The following BTBD8 variants were observed in gnomAD, a reference collection of about 807,000 sequenced individuals.
The protein encoded by BTBD8 is BTB/POZ domain-containing protein 8.
In BTBD8, 110 loss-of-function variants were observed where a neutral mutation model predicts 162.9. The observed-to-expected ratio is 0.68, with a 90% CI of 0.58 to 0.79. The LOEUF (loss-of-function observed/expected upper bound fraction) is 0.79, where lower values mean the gene tolerates loss of function less well. Ranked by LOEUF, BTBD8 falls within the 30% of genes least tolerant of loss-of-function variation. BTBD8 has a pLI of 0.00. For missense variants in BTBD8, 1,905 were observed against 2,085.4 expected (o/e 0.91, Z 1.68); for synonymous variants, 667 against 716.1 (o/e 0.93, Z 1.10).
chr1:92,087,311 G>A (rs1430612678), intron 1 of BTBD8, among the ~76,000 whole-genome samples: 3 of 152,074 alleles, frequency 2.0e-5, no homozygotes, highest in African/African-American at 7.2e-5. Context: ...GGTGGGATGG[G>A]GGGAAGGAGG....
In BTBD8 at chr1:92,108,035, G is replaced by A. The variant is rs375512920; in HGVS notation, c.662+34G>A. On this transcript the variant is annotated intron_variant, in intron 4 of 17. Coordinates refer to ENST00000636805, the MANE Select transcript of BTBD8 (RefSeq NM_001376131.1). ...ACACGACTGATTTGCTGTCTTGGTT[G>A]TGGCTGTAGAGTGTGGAAGGGCAGC... 11 of 1,576,174 alleles carry A rather than the reference G, an allele frequency of 7.0e-6. No individual in the cohort carries two copies. In the African/African-American group the frequency reaches 1.1e-4, roughly 15 times the overall value.
At chr1:92,178,214 T>C (rs1650778382) in intron 15 of BTBD8, 98 bp from the exon 16 acceptor site, 2 of 936,758 alleles carry the variant, frequency 2.1e-6, no homozygotes, top group East Asian at 5.3e-5. Flanking sequence ...GAGATGTATT[T>C]TTTATTTCTT....
At chr1:92,158,626 A>C (rs1650213374) in intron 9 of BTBD8, among the ~76,000 whole-genome samples, 3 of 152,216 alleles carry the variant, frequency 2.0e-5, no homozygotes. Context: ...CAAAAATTAA[A>C]AGTGATTAAT....
At chr1:92,110,041 T>C (rs140918334) in intron 4 of BTBD8, among the ~76,000 whole-genome samples, 1 of 152,332 alleles carries the variant, frequency 6.6e-6, no homozygotes, top group African/African-American at 2.4e-5. Flanking sequence ...ATTAAGCTAA[T>C]ATTTCATGGT....
chr1:92,158,158 A>G (rs1378016154), intron 9 of BTBD8, among the ~76,000 whole-genome samples: 1 of 152,128 alleles, frequency 6.6e-6, no homozygotes, highest in Non-Finnish European at 1.5e-5. Flanking sequence ...TGTAGACAGT[A>G]TATCATTGGA....
intron 3 of BTBD8, among the ~76,000 whole-genome samples, chr1:92,107,162 C>T (rs1648755735): frequency 6.6e-6 from 1 of 151,726 alleles, no homozygotes; most frequent in Admixed American, 6.6e-5. Flanking sequence ...TAGAGACCCA[C>T]AAGAAGAAAC....
chr1:92,099,672 C>A (rs762768540), intron 2 of BTBD8, among the ~76,000 whole-genome samples: 4 of 151,938 alleles, frequency 2.6e-5, no homozygotes, highest in Non-Finnish European at 5.9e-5. Context: ...TTTCTAATTT[C>A]ATTTTTGGTT....
At chr1:92,102,775 T>A (rs1648625665) in intron 3 of BTBD8, 106 bp downstream of exon 3, 1 of 1,088,334 alleles carries the variant, frequency 9.2e-7, no homozygotes, top group Non-Finnish European at 1.2e-6. Context: ...GATTTTTTTT[T>A]TAATAAGCAT....
chr1:92,084,058 G>A (rs1379982137), intron 1 of BTBD8, among the ~76,000 whole-genome samples: 1 of 152,172 alleles, frequency 6.6e-6, no homozygotes, highest in Non-Finnish European at 1.5e-5. Context: ...CTAGCACCTA[G>A]TTATCCAAAT....
In BTBD8 at chr1:92,080,556, C is replaced by G; in HGVS notation, c.-16C>G. The G allele has an allele frequency of 1.9e-6, 3 of 1,613,066 alleles. No homozygotes were observed. The highest frequency in any genetic ancestry group is 2.5e-6 in the Non-Finnish European group (3 of 1,179,626). On this transcript the variant is annotated 5_prime_UTR_variant, in exon 1 of 18. Coordinates refer to ENST00000636805, the MANE Select transcript of BTBD8 (RefSeq NM_001376131.1). ...GCCAAGTACTGGGCCTCCAGGGCGT[C>G]GTACCTCTGTGAGACATGGCTCGCT...
intron 1 of BTBD8, among the ~76,000 whole-genome samples, chr1:92,082,715 T>C: frequency 6.6e-6 from 1 of 151,920 alleles, no homozygotes; most frequent in East Asian, 1.9e-4. Context: ...TGTAGAGAAG[T>C]GAGGAAAAGT....
intron 5 of BTBD8, among the ~76,000 whole-genome samples, chr1:92,131,536 C>T (rs7550370): frequency 0.63 from 95,552 of 151,954 alleles, 30,546 homozygotes; most frequent in East Asian, 0.97. Context: ...CCAGCCTGAC[C>T]AACATGGTGA....
intron 6 of BTBD8, among the ~76,000 whole-genome samples, chr1:92,140,805 T>G (rs903558958): frequency 3.3e-5 from 5 of 152,372 alleles, no homozygotes; most frequent in African/African-American, 1.2e-4. Context: ...TTTTGTAACT[T>G]TTACAGCCTT....
chr1:92,107,849 A>G, intron 3 of BTBD8, 35 bp from the exon 4 acceptor site: 1 of 1,537,208 alleles, frequency 6.5e-7, no homozygotes, highest in Non-Finnish European at 8.8e-7. Flanking sequence ...TTGTAATATT[A>G]AACTATTTTT....
Position 92,167,075 on chromosome 1 carries a change from A to C in BTBD8, c.1240A>C (p.Ile414Leu), listed in dbSNP as rs534035354. The stretch of plus-strand genomic sequence containing the variant: ...GGCGTCTCAGCTTCAAGAAAAATGT[A>C]TTGCATTTATTGTAGACAACTTCTC... Reference protein sequence around the residue: ...TMASQLQEKCIAFIVDNFSKI... With the variant: ...TMASQLQEKCLAFIVDNFSKI... Residue 414 changes from isoleucine to leucine, a missense_variant, in exon 10 of 18, where the codon ATT becomes CTT. By Grantham distance (5) the Ile-to-Leu change is conservative (BLOSUM62 2). This residue lies in a region of BTBD8 where 1,374 missense variants were observed against 1,442.7 expected (regional missense o/e 0.95). Transcript: ENST00000636805. 1.3e-6 allele frequency: 2 copies of C among 1,550,588 alleles called. No individual in the cohort carries two copies. Among genetic ancestry groups the C allele is most frequent in the Non-Finnish European group, 1.7e-6 (2 of 1,147,004 alleles).
chr1:92,110,589 A>G (rs1648861502), intron 4 of BTBD8, among the ~76,000 whole-genome samples: 1 of 152,166 alleles, frequency 6.6e-6, no homozygotes, highest in African/African-American at 2.4e-5. Flanking sequence ...CTCAGTTGCC[A>G]TATGAATACC....
rs140949534 is a variant in BTBD8, at chr1:92,177,389, A to G, written c.2196A>G (p.Ser732=). The change falls in exon 14 of 18, where the codon TCA becomes TCG. Residue 732 remains serine (S), a synonymous_variant. Coordinates refer to ENST00000636805, the MANE Select transcript of BTBD8 (RefSeq NM_001376131.1). The part of the protein sequence containing the change: ...IAGPSSRSTD[S]SMEFSISTEC... ...GACCCTCCAGCAGATCCACAGATTC[A>G]AGTATGGAATTCTCAATTTCCACTG... 83 of 1,551,730 alleles carry G rather than the reference A, an allele frequency of 5.3e-5. No individual in the cohort carries two copies. The African/African-American group carries it at 1.1e-3, about 20-fold the overall frequency.
At chr1:92,123,330 G>A (rs1303411260) in intron 4 of BTBD8, among the ~76,000 whole-genome samples, 1 of 152,104 alleles carries the variant, frequency 6.6e-6, no homozygotes, top group African/African-American at 2.4e-5. Flanking sequence ...TGGCAATTAG[G>A]GGTCCTTTGC....
intron 1 of BTBD8, among the ~76,000 whole-genome samples, chr1:92,084,500 G>A (rs1446112228): frequency 2.0e-5 from 3 of 152,148 alleles, no homozygotes; most frequent in African/African-American, 7.2e-5. Flanking sequence ...CCTGGGTTAG[G>A]GTTGTATGAA....
Sources: gnomAD v4.1 joint callset for allele counts (sites outside exome capture counted in the v4.1 genomes callset) on GRCh38, gnomAD v4.1.1 for gene constraint, gnomAD v4.1.1 regional missense constraint, MANE v1.5 for transcripts, NCBI Gene and HGNC (gene_info 2026-07-23, HGNC 2026-07-21) for gene names.